The following XYLT1 variants were observed in gnomAD, a reference collection of about 807,000 sequenced individuals.
XYLT1 encodes beta-D-xylosyltransferase 1.
XYLT1 carries 36 observed loss-of-function variants against 91.3 expected under a neutral mutation model. The observed-to-expected ratio is 0.39, with a 90% CI of 0.30 to 0.52. The LOEUF (loss-of-function observed/expected upper bound fraction) is 0.52. XYLT1 is among the 20% of genes least tolerant of loss of function. The pLI is 0.68. For missense variants in XYLT1, 1,242 were observed against 1,284.5 expected (o/e 0.97, Z 0.51); for synonymous variants, 588 against 532.0 (o/e 1.11, Z -1.45).
intron 3 of XYLT1, among the ~76,000 whole-genome samples, chr16:17,203,094 A>C (rs2032573121): frequency 6.6e-6 from 1 of 152,214 alleles, no homozygotes; most frequent in African/African-American, 2.4e-5. Flanking sequence ...CTGAGATTCA[A>C]ACACAGGTCT....
Position 17,222,385 on chromosome 16 carries a change from C to T in XYLT1, c.914-21731G>A, listed in dbSNP as rs1029984129. Among the ~76,000 whole-genome samples the T allele has an allele frequency of 3.9e-5, 6 of 152,110 alleles. No homozygotes were observed. The South Asian group carries it at 8.3e-4, about 21-fold the overall frequency. ...ATACCGCTAAACGTCCCACCATGTA[C>T]GGGACGGCCCCCACAGAAGGGATTA... On this transcript the variant is annotated intron_variant, in intron 3 of 11. Coordinates refer to ENST00000261381, the MANE Select transcript of XYLT1 (RefSeq NM_022166.4).
At chr16:17,134,430 CCTGCTTCTCAGCTCTCCTCT>C (rs1163270064) in intron 9 of XYLT1, 23 bp downstream of exon 9, 3 of 1,605,610 alleles carry the variant, frequency 1.9e-6, no homozygotes, top group East Asian at 2.2e-5. Flanking sequence ...AGCCTCCCCT[CCTGCTTCTCAGCTCTCCTCT>C]CTGCATCCCA....
chr16:17,160,579 C>A (rs2031524715), intron 5 of XYLT1, among the ~76,000 whole-genome samples: 1 of 152,196 alleles, frequency 6.6e-6, no homozygotes, highest in Non-Finnish European at 1.5e-5. Flanking sequence ...GCGGCAGGCA[C>A]CAGAAACACC....
chr16:17,423,815 C>T (rs181476396), intron 1 of XYLT1, among the ~76,000 whole-genome samples: 1 of 152,164 alleles, frequency 6.6e-6, no homozygotes, highest in East Asian at 1.9e-4. Context: ...GGGGTTTTAC[C>T]ATGTTGGCCA....
At position 17,141,324 on chromosome 16, in the gene XYLT1, G is replaced by A. The variant is rs371420301; in HGVS notation, c.1416C>T (p.Asp472=). 9.9e-6 allele frequency: 16 copies of A among 1,614,164 alleles called. No homozygotes were observed. The highest frequency in any genetic ancestry group is 6.6e-5 in the South Asian group (6 of 91,080). The change falls in exon 7 of 12, where the codon GAC becomes GAT. Residue 472 remains aspartate, a synonymous_variant. Transcript: ENST00000261381. Reference sequence around the variant, plus strand: ...GATCTCCCAGGCGCCACATGTGAGCGTCGCACTCCAGGAAGAGCCGATCCA... The same window carrying A: ...GATCTCCCAGGCGCCACATGTGAGCATCGCACTCCAGGAAGAGCCGATCCA... The part of the protein sequence containing the change: ...QGLDRLFLEC[D]AHMWRLGDRR...
At chr16:17,435,744 G>T (rs1305179623) in intron 1 of XYLT1, among the ~76,000 whole-genome samples, 17 of 152,138 alleles carry the variant, frequency 1.1e-4, no homozygotes, top group Admixed American at 5.2e-4. Context: ...CTCTCTCCAG[G>T]GCTGAATCCT....
intron 1 of XYLT1, among the ~76,000 whole-genome samples, chr16:17,410,790 A>G (rs1463772569): frequency 2.6e-5 from 4 of 151,736 alleles, no homozygotes; most frequent in Non-Finnish European, 5.9e-5. Context: ...TGGCAGGCGT[A>G]TATCAGCATG....
At chr16:17,464,043 A>C (rs1269138146) in intron 1 of XYLT1, among the ~76,000 whole-genome samples, 1 of 152,190 alleles carries the variant, frequency 6.6e-6, no homozygotes, top group Admixed American at 6.5e-5. Flanking sequence ...AGTAGATGAC[A>C]AGAAGATAGA....
intron 2 of XYLT1, among the ~76,000 whole-genome samples, chr16:17,285,750 A>G (rs2034125712): frequency 6.6e-6 from 1 of 152,002 alleles, no homozygotes; most frequent in Non-Finnish European, 1.5e-5. Flanking sequence ...CAACTCCACT[A>G]CAGAACTTTC....
chr16:17,155,088 A>G (rs1360725058), intron 6 of XYLT1, among the ~76,000 whole-genome samples: 1 of 152,234 alleles, frequency 6.6e-6, no homozygotes, highest in Non-Finnish European at 1.5e-5. Context: ...TAGCTGCCTC[A>G]AAGTCACCAG....
chr16:17,255,879 G>C (rs1484312840), intron 3 of XYLT1, among the ~76,000 whole-genome samples: 1 of 152,050 alleles, frequency 6.6e-6, no homozygotes, highest in African/African-American at 2.4e-5. Context: ...GAGGTGGCAG[G>C]CACCTGTAAT....
intron 5 of XYLT1, among the ~76,000 whole-genome samples, chr16:17,170,143 A>G (rs76678592): frequency 0.036 from 5,489 of 152,304 alleles, 147 homozygotes; most frequent in Non-Finnish European, 0.034. Flanking sequence ...TGCCTGGTGC[A>G]TAGCAGGTGC....
chr16:17,372,298 C>G (rs1353192464), intron 1 of XYLT1, among the ~76,000 whole-genome samples: 1 of 152,218 alleles, frequency 6.6e-6, no homozygotes, highest in Admixed American at 6.5e-5. Flanking sequence ...TATCTTATTA[C>G]TAGTGCACTA....
At position 17,138,415 on chromosome 16, in the gene XYLT1, G is replaced by C; in HGVS notation, c.1704C>G (p.Ile568Met). 3 of 1,614,150 alleles carry C rather than the reference G, an allele frequency of 1.9e-6. No homozygotes were observed. Among genetic ancestry groups the C allele is most frequent in the South Asian group, 2.2e-5 (2 of 91,068 alleles). Reference sequence around the variant, plus strand: ...TGGGGGAGCAGCCGCACCAGTCCACGATGTGCTTGTACTGGCACTTGCAGC... The same window carrying C: ...TGGGGGAGCAGCCGCACCAGTCCACCATGTGCTTGTACTGGCACTTGCAGC... Reference protein sequence around the residue: ...KLGCKCQYKHIVDWCGCSPND... With the variant: ...KLGCKCQYKHMVDWCGCSPND... Residue 568 changes from isoleucine (I) to methionine (M), a missense_variant, in exon 8 of 12, where the codon ATC becomes ATG. Around this residue, in one of 3 missense-constraint regions of XYLT1, gnomAD observed 294 missense variants for 376.0 expected, o/e 0.78. Transcript: ENST00000261381.
At chr16:17,161,103 C>A (rs2031539174) in intron 5 of XYLT1, among the ~76,000 whole-genome samples, 1 of 152,196 alleles carries the variant, frequency 6.6e-6, no homozygotes, top group African/African-American at 2.4e-5. Context: ...CGTGAAGCCT[C>A]AGGTCTCCCA....
At chr16:17,304,412 T>G (rs537228911) in intron 2 of XYLT1, among the ~76,000 whole-genome samples, 1 of 152,230 alleles carries the variant, frequency 6.6e-6, no homozygotes, top group Non-Finnish European at 1.5e-5. Context: ...AATACTGTCC[T>G]CCAGTCACAG....
intron 1 of XYLT1, among the ~76,000 whole-genome samples, chr16:17,364,101 G>C (rs1216746780): frequency 6.6e-6 from 1 of 152,150 alleles, no homozygotes; most frequent in African/African-American, 2.4e-5. Context: ...GGGGGAGGAA[G>C]GGTTTCAACA....
At chr16:17,290,200 C>T (rs1428744447) in intron 2 of XYLT1, among the ~76,000 whole-genome samples, 1 of 152,220 alleles carries the variant, frequency 6.6e-6, no homozygotes, top group East Asian at 1.9e-4. Flanking sequence ...AGGCTGAAAG[C>T]CACATCTTCA....
At chr16:17,134,323 C>A in intron 9 of XYLT1, 150 bp downstream of exon 9, 2 of 1,021,352 alleles carry the variant, frequency 2.0e-6, no homozygotes, top group Non-Finnish European at 2.8e-6. Flanking sequence ...AGGAGGGTGG[C>A]GTTAGATGAG....
Sources: gnomAD v4.1 joint callset for allele counts (sites outside exome capture counted in the v4.1 genomes callset) on GRCh38, gnomAD v4.1.1 for gene constraint, gnomAD v4.1.1 regional missense constraint, MANE v1.5 for transcripts, NCBI Gene and HGNC (gene_info 2026-07-23, HGNC 2026-07-21) for gene names.